The following MAPKAP1 variants were observed in gnomAD, a reference collection of about 807,000 sequenced individuals.
The protein encoded by MAPKAP1 is MAPK associated protein 1, also known as target of rapamycin complex 2 subunit MAPKAP1.
Under a neutral mutation model 65.7 loss-of-function variants are expected in MAPKAP1, and 20 were observed. The ratio of observed to expected loss-of-function variants is 0.30; its 90% CI spans 0.21 to 0.44. MAPKAP1 has a LOEUF of 0.44. Among genes scored for constraint, MAPKAP1 ranks in the 20% least tolerant of loss-of-function variants. The pLI, the probability that MAPKAP1 is intolerant of heterozygous loss-of-function variation, is 1.00. For synonymous variants in MAPKAP1, 222 were observed against 244.3 expected (o/e 0.91, Z 0.85); for missense variants, 423 against 648.0 (o/e 0.65, Z 3.77).
intron 6 of MAPKAP1, among the ~76,000 whole-genome samples, chr9:125,552,976 T>C (rs1350318148): frequency 6.6e-6 from 1 of 152,204 alleles, no homozygotes; most frequent in African/African-American, 2.4e-5. Flanking sequence ...TATCAATATA[T>C]GTATGATATG....
intron 11 of MAPKAP1, 100 bp downstream of exon 11, chr9:125,444,401 A>G (rs1405310914): frequency 3.3e-6 from 3 of 916,614 alleles, no homozygotes; most frequent in African/African-American, 3.4e-5. Flanking sequence ...GGAACCTTCT[A>G]TAGAGCTGCG....
intron 7 of MAPKAP1, among the ~76,000 whole-genome samples, chr9:125,507,900 A>C (rs554276179): frequency 6.6e-6 from 1 of 152,306 alleles, no homozygotes; most frequent in South Asian, 2.1e-4. Context: ...AAGGCCAGGC[A>C]TGGTAGCCCC....
chr9:125,682,945 T>C (rs902885163), intron 1 of MAPKAP1, among the ~76,000 whole-genome samples: 11 of 148,582 alleles, frequency 7.4e-5, no homozygotes, highest in African/African-American at 2.0e-4. Context: ...ACCCAGTAGA[T>C]AGAATTTTAA....
chr9:125,681,894 G>C (rs1834832608), intron 1 of MAPKAP1, among the ~76,000 whole-genome samples: 1 of 152,004 alleles, frequency 6.6e-6, no homozygotes, highest in South Asian at 2.1e-4. Context: ...CCCCAGCCTG[G>C]GACTGCAGGC....
chr9:125,504,954 C>T (rs912287267), intron 8 of MAPKAP1, among the ~76,000 whole-genome samples: 1 of 152,190 alleles, frequency 6.6e-6, no homozygotes, highest in African/African-American at 2.4e-5. Context: ...TACAGCAGAT[C>T]TATATGAAGG....
chr9:125,445,747 G>A (rs991782470), intron 10 of MAPKAP1, among the ~76,000 whole-genome samples: 2 of 152,368 alleles, frequency 1.3e-5, no homozygotes, highest in East Asian at 3.9e-4. Flanking sequence ...GGGCTGCCCC[G>A]GCCTATCGGC....
At chr9:125,687,529 C>T (rs1237321039) in intron 1 of MAPKAP1, among the ~76,000 whole-genome samples, 1 of 151,112 alleles carries the variant, frequency 6.6e-6, no homozygotes, top group Non-Finnish European at 1.5e-5. Flanking sequence ...TAAATCCCAG[C>T]ATTTTGAGAG....
chr9:125,595,628 A>C lies in MAPKAP1; in HGVS notation c.499-9901T>G. 1 of 1,419,778 alleles carries C rather than the reference A, an allele frequency of 7.0e-7. No homozygotes were observed. Among genetic ancestry groups the C allele is most frequent in the Non-Finnish European group, 9.2e-7 (1 of 1,088,424 alleles). The allele number at this position is 1,419,778 out of a possible 1,614,324, so 87.9% of individuals were successfully genotyped here. A position where few individuals can be genotyped will look rare whatever the true frequency, so the allele number is the denominator to read the frequency against. On this transcript the variant is annotated intron_variant, in intron 4 of 11. Coordinates refer to ENST00000265960, the MANE Select transcript of MAPKAP1 (RefSeq NM_001006617.3). The surrounding 1 kb of genome is among the most constrained non-coding windows in gnomAD (Gnocchi z 4.0). ...AGCTTACTCCTTTCTGCCTGTGGAC[A>C]CGCCAAGGAAGCATCGTTAAAGTCT... is the stretch of plus-strand genomic sequence containing the variant.
intron 4 of MAPKAP1, among the ~76,000 whole-genome samples, chr9:125,613,197 G>A (rs770777141): frequency 2.6e-5 from 4 of 152,134 alleles, no homozygotes; most frequent in African/African-American, 2.4e-5. Context: ...GAAGTCCAAC[G>A]CAGACCTGAA....
At chr9:125,599,403 T>C (rs912438108) in intron 4 of MAPKAP1, among the ~76,000 whole-genome samples, 1 of 152,184 alleles carries the variant, frequency 6.6e-6, no homozygotes, top group African/African-American at 2.4e-5. Context: ...TTAGTCTTAG[T>C]GCTAACCCTC....
chr9:125,543,742 T>C (rs997419859), intron 6 of MAPKAP1, among the ~76,000 whole-genome samples: 1 of 152,168 alleles, frequency 6.6e-6, no homozygotes, highest in Non-Finnish European at 1.5e-5. Flanking sequence ...TTCTTCTAAT[T>C]TGTCCAAGTT....
intron 4 of MAPKAP1, among the ~76,000 whole-genome samples, chr9:125,620,423 G>C (rs1832862860): frequency 6.6e-6 from 1 of 152,204 alleles, no homozygotes; most frequent in African/African-American, 2.4e-5. Context: ...AGTGTAATTG[G>C]AGCAATCCCG....
At chr9:125,553,555 G>A (rs1830647904) in intron 6 of MAPKAP1, among the ~76,000 whole-genome samples, 1 of 151,824 alleles carries the variant, frequency 6.6e-6, no homozygotes, top group African/African-American at 2.4e-5. Context: ...AAAATGGGAG[G>A]GGAGGGGAGG....
chr9:125,673,798 T>A (rs1309684874), intron 1 of MAPKAP1, among the ~76,000 whole-genome samples: 1 of 151,896 alleles, frequency 6.6e-6, no homozygotes, highest in Non-Finnish European at 1.5e-5. Flanking sequence ...TTTAATTAGC[T>A]GAGCATGGTG....
At chr9:125,556,560 G>A (rs1337584140) in intron 6 of MAPKAP1, among the ~76,000 whole-genome samples, 1 of 152,208 alleles carries the variant, frequency 6.6e-6, no homozygotes, top group Non-Finnish European at 1.5e-5. Context: ...CCCTTAGTAA[G>A]TATTAGTTCA....
At chr9:125,680,738 T>G (rs978915591) in intron 1 of MAPKAP1, among the ~76,000 whole-genome samples, 1 of 152,234 alleles carries the variant, frequency 6.6e-6, no homozygotes, top group African/African-American at 2.4e-5. Flanking sequence ...AATACTGGCC[T>G]GCCCCCTCCA....
At chr9:125,452,104 C>A (rs1037441859) in intron 10 of MAPKAP1, among the ~76,000 whole-genome samples, 1 of 152,068 alleles carries the variant, frequency 6.6e-6, no homozygotes, top group African/African-American at 2.4e-5. Flanking sequence ...GCCACCGCAC[C>A]AGCCCGTTTT....
At chr9:125,553,554 G>A (rs1209978649) in intron 6 of MAPKAP1, among the ~76,000 whole-genome samples, 1 of 151,596 alleles carries the variant, frequency 6.6e-6, no homozygotes, top group African/African-American at 2.4e-5. Context: ...AAAAATGGGA[G>A]GGGAGGGGAG....
chr9:125,698,312 T>TAAA lies in MAPKAP1; in HGVS notation c.-70+8658_-70+8659insTTT, dbSNP rs1564622526. 2.2e-3 allele frequency among the ~76,000 whole-genome samples: 100 copies of TAAA among 46,492 alleles called. 1 individual carries two copies. The highest frequency in any genetic ancestry group is 0.017 in the East Asian group (24 of 1,398). The allele number at this position is 46,492 out of a possible 152,430, so 30.5% of individuals were successfully genotyped here. ...AAATATATATATATATATATATATA[T>TAAA]ATATATATATATATATATATATATA... On this transcript the variant is annotated intron_variant, in intron 1 of 11. Transcript: ENST00000265960.
Sources: allele counts gnomAD v4.1 joint callset (sites outside exome capture counted in the v4.1 genomes callset), GRCh38; gene constraint gnomAD v4.1.1; non-coding constraint Gnocchi (gnomAD v3.1); transcripts MANE v1.5; gene names NCBI Gene and HGNC (gene_info 2026-07-23, HGNC 2026-07-21).